CACHD1: variants seen among roughly 807,000 people sequenced by gnomAD.
CACHD1 encodes cache domain containing 1, also known as VWFA and cache domain-containing protein 1.
A neutral mutation model predicts 138.7 loss-of-function variants in CACHD1; 71 were observed. That is an observed-to-expected ratio of 0.51 (90% CI 0.42 to 0.62). The LOEUF (loss-of-function observed/expected upper bound fraction) is 0.62, where lower values mean the gene tolerates loss of function less well. Among genes scored for constraint, CACHD1 ranks in the 20% least tolerant of loss-of-function variants. CACHD1 has a pLI of 0.00. For missense variants in CACHD1, 1,389 were observed against 1,625.3 expected (o/e 0.85, Z 2.50); for synonymous variants, 578 against 591.5 (o/e 0.98, Z 0.33).
rs369981595 is a variant in CACHD1, at chr1:64,470,890, C to G, written c.146C>G (p.Ala49Gly). The part of the protein sequence containing the change: ...FSILDEAQVL[A>G]SQMRRLAAEE... ...ATCCTGGACGAGGCGCAAGTGCTGG[C>G]GAGCCAGATGCGGAGGCTGGCGGCC... Residue 49 changes from alanine to glycine, a missense_variant, in exon 1 of 27, where the codon GCG (alanine) becomes GGG (glycine). By Grantham distance (60) the Ala-to-Gly change is moderately conservative. Transcript: ENST00000651257. This position sits in a 1 kb window ranked among gnomAD's most constrained non-coding sequence, Gnocchi z 5.2. The G allele has an allele frequency of 1.2e-5, 19 of 1,608,492 alleles. No homozygotes were observed. The African/African-American group carries it at 2.1e-4, about 18-fold the overall frequency.
At chr1:64,624,835 T>A (rs1648040522) in intron 4 of CACHD1, among the ~76,000 whole-genome samples, 1 of 152,160 alleles carries the variant, frequency 6.6e-6, no homozygotes, top group Non-Finnish European at 1.5e-5. Flanking sequence ...GGGCAAGGGA[T>A]GTAATAGCTA....
chr1:64,524,846 C>T (rs1452185227), intron 1 of CACHD1, among the ~76,000 whole-genome samples: 1 of 152,196 alleles, frequency 6.6e-6, no homozygotes, highest in African/African-American at 2.4e-5. Flanking sequence ...CCTTTCCTTA[C>T]TGCTTTCCGA....
At chr1:64,531,936 A>G (rs1333182750) in intron 1 of CACHD1, among the ~76,000 whole-genome samples, 1 of 152,240 alleles carries the variant, frequency 6.6e-6, no homozygotes, top group Non-Finnish European at 1.5e-5. Flanking sequence ...AAGCCACTAT[A>G]TACTGTGAAT....
chr1:64,675,704 T>C, intron 20 of CACHD1, 143 bp downstream of exon 20: 1 of 1,058,372 alleles, frequency 9.4e-7, no homozygotes, highest in East Asian at 2.4e-5. Flanking sequence ...CACTTAGAGC[T>C]GTGCCGTTTG....
Position 64,663,705 on chromosome 1 carries a change from C to A in CACHD1, c.1962C>A (p.Thr654=). 6.2e-7 allele frequency: 1 copy of A among 1,614,164 alleles called. No homozygotes were observed. Among genetic ancestry groups the A allele is most frequent in the Non-Finnish European group, 8.5e-7 (1 of 1,180,028 alleles). Residue 654 remains threonine (T), a synonymous_variant, in exon 14 of 27, where the codon ACC becomes ACA. Coordinates refer to ENST00000651257, the MANE Select transcript of CACHD1 (RefSeq NM_020925.4). ...TTGCTTCTCTTTCAGAAAGTCCCAC[C>A]ATCATGCTGTCTGCTGGCAGCTTTT... ...FKQLATLESP[T]IMLSAGSFSS... is the part of the protein sequence containing the mutation.
At position 64,679,512 on chromosome 1, in the gene CACHD1, A is replaced by G. The variant is rs562594079; in HGVS notation, c.3245-83A>G. 289 of 1,483,468 alleles carry G rather than the reference A, an allele frequency of 1.9e-4. 1 individual carries two copies. The highest frequency in any genetic ancestry group is 3.8e-4 in the Admixed American group (22 of 57,636). The allele number at this position is 1,483,468 out of a possible 1,614,324, so 91.9% of individuals were successfully genotyped here. A position where few individuals can be genotyped will look rare whatever the true frequency, so the allele number is the denominator to read the frequency against. On this transcript the variant is annotated intron_variant, in intron 23 of 26. Coordinates refer to ENST00000651257, the MANE Select transcript of CACHD1 (RefSeq NM_020925.4). ...CTTCCGCCAACCCCCTTCCCACTGT[A>G]TTCCCTCCCATCTCACCATCCTTAC...
intron 1 of CACHD1, among the ~76,000 whole-genome samples, chr1:64,477,125 A>G (rs148990168): frequency 1.3e-5 from 2 of 152,308 alleles, no homozygotes; most frequent in East Asian, 3.9e-4. Flanking sequence ...AATGGGAGTA[A>G]ATATATTTTA....
At chr1:64,680,906 G>A (rs1018211037) in intron 24 of CACHD1, among the ~76,000 whole-genome samples, 11 of 152,184 alleles carry the variant, frequency 7.2e-5, no homozygotes, top group Non-Finnish European at 1.6e-4. Flanking sequence ...GCCTTTTGGA[G>A]GCTTTTGTTG....
intron 1 of CACHD1, among the ~76,000 whole-genome samples, chr1:64,507,108 ATG>A (rs768798364): frequency 5.9e-5 from 9 of 152,210 alleles, no homozygotes; most frequent in Non-Finnish European, 1.0e-4. Context: ...GTAAATTAGT[ATG>A]TGTTTCACAC....
intron 1 of CACHD1, among the ~76,000 whole-genome samples, chr1:64,528,516 A>AT (rs1646557768): frequency 6.6e-6 from 1 of 152,220 alleles, no homozygotes; most frequent in Admixed American, 6.5e-5. Context: ...CAAAATTAAT[A>AT]TAAATAAAAT....
intron 1 of CACHD1, among the ~76,000 whole-genome samples, chr1:64,497,209 A>C (rs185477000): frequency 1.3e-5 from 2 of 152,290 alleles, no homozygotes; most frequent in African/African-American, 4.8e-5. Context: ...TCTGCCAAGG[A>C]TGCTACAGGG....
chr1:64,679,061 T>C (rs1282934362), intron 23 of CACHD1, among the ~76,000 whole-genome samples: 1 of 152,180 alleles, frequency 6.6e-6, no homozygotes, highest in African/African-American at 2.4e-5. Context: ...CTGAACTAGG[T>C]GAGGGTACAT....
At chr1:64,478,130 T>C (rs566263662) in intron 1 of CACHD1, among the ~76,000 whole-genome samples, 1 of 152,234 alleles carries the variant, frequency 6.6e-6, no homozygotes, top group Non-Finnish European at 1.5e-5. Flanking sequence ...TTTTTAACAA[T>C]GATGTGCCTG....
At chr1:64,508,522 G>A (rs534471149) in intron 1 of CACHD1, among the ~76,000 whole-genome samples, 2 of 152,284 alleles carry the variant, frequency 1.3e-5, no homozygotes, top group Non-Finnish European at 2.9e-5. Flanking sequence ...ATTTCCGCAT[G>A]CGTAAAATGG....
intron 1 of CACHD1, among the ~76,000 whole-genome samples, chr1:64,542,103 C>T (rs757825370): frequency 3.3e-5 from 5 of 151,992 alleles, no homozygotes; most frequent in Non-Finnish European, 5.9e-5. Context: ...ATTTTTAGTG[C>T]GCTCTATATG....
At chr1:64,503,966 C>T (rs191378673) in intron 1 of CACHD1, among the ~76,000 whole-genome samples, 48 of 152,338 alleles carry the variant, frequency 3.2e-4, no homozygotes, top group African/African-American at 1.0e-3. Flanking sequence ...AGGACAAGCA[C>T]TGACCTCTTC....
intron 1 of CACHD1, among the ~76,000 whole-genome samples, chr1:64,504,592 C>CTTAG (rs1394674680): frequency 6.6e-6 from 1 of 152,042 alleles, no homozygotes; most frequent in Non-Finnish European, 1.5e-5. Context: ...ATTTTGCTTT[C>CTTAG]CTAAGCAAGG....
At chr1:64,640,975 G>C (rs889066883) in intron 7 of CACHD1, among the ~76,000 whole-genome samples, 4 of 151,882 alleles carry the variant, frequency 2.6e-5, no homozygotes, top group African/African-American at 9.7e-5. Flanking sequence ...GCCCTATTTG[G>C]AAAATAATTT....
intron 1 of CACHD1, among the ~76,000 whole-genome samples, chr1:64,532,337 A>AACAAC (rs1161236115): frequency 6.6e-6 from 1 of 152,222 alleles, no homozygotes; most frequent in Non-Finnish European, 1.5e-5. Context: ...GAACAACAAC[A>AACAAC]ACAACAAAAA....
Sources: gnomAD v4.1 joint callset for allele counts (sites outside exome capture counted in the v4.1 genomes callset) on GRCh38, gnomAD v4.1.1 for gene constraint, Gnocchi (gnomAD v3.1) non-coding constraint, MANE v1.5 for transcripts, NCBI Gene and HGNC (gene_info 2026-07-23, HGNC 2026-07-21) for gene names.